Variants in CEP250 observed in about 807,000 individuals in gnomAD.
CEP250 encodes the protein centrosomal protein 250, also known as centrosome-associated protein CEP250.
A neutral mutation model predicts 315.7 loss-of-function variants in CEP250; 242 were observed. The observed-to-expected ratio is 0.77, with a 90% CI of 0.69 to 0.85. CEP250 has a LOEUF of 0.85. Ranked by LOEUF, CEP250 falls within the 40% of genes least tolerant of loss-of-function variation. The probability of loss-of-function intolerance (pLI) is 0.00; values close to 1 mark genes in which losing one functional copy is unlikely to be tolerated. For synonymous variants in CEP250, 1,088 were observed against 1,175.0 expected (o/e 0.93, Z 1.51); for missense variants, 2,515 against 2,886.4 (o/e 0.87, Z 2.95).
chr20:35,461,668 CT>C (rs763923259), intron 3 of CEP250, among the ~76,000 whole-genome samples: 4 of 152,200 alleles, frequency 2.6e-5, no homozygotes, highest in Non-Finnish European at 5.9e-5. Flanking sequence ...GTTTTTTAAC[CT>C]TTCTAAGCCC....
chr20:35,479,214 C>T lies in CEP250; in HGVS notation c.2095-17C>T. On this transcript the variant is annotated splice_polypyrimidine_tract_variant and intron_variant, in intron 17 of 34. Transcript: ENST00000397527. ...ATCCAGCCTCTGCTCCATCTCTCAC[C>T]ACATTCTTCCCCTCAGTCACGTCAC... 6.2e-7 allele frequency: 1 copy of T among 1,610,556 alleles called. No individual in the cohort carries two copies. Among genetic ancestry groups the T allele is most frequent in the South Asian group, 1.1e-5 (1 of 90,574 alleles).
intron 16 of CEP250, chr20:35,476,824 A>G: frequency 2.3e-6 from 1 of 430,256 alleles, no homozygotes; most frequent in Non-Finnish European, 4.2e-6. Context: ...GAAGGGGCCC[A>G]TGTCCTCTGG....
chr20:35,469,642 C>T (rs2062974224), intron 9 of CEP250, among the ~76,000 whole-genome samples: 1 of 152,220 alleles, frequency 6.6e-6, no homozygotes, highest in Admixed American at 6.5e-5. Context: ...GGCCCCCAAA[C>T]ACGTGTTCCA....
In CEP250 at chr20:35,466,216, G is replaced by T. The variant is rs756657396; in HGVS notation, c.492+12G>T. ...AGATGGAGCAGGAGGTAGGAAGAAC[G>T]GGGACTGGAACTGTGAGAGGAAGCC... On this transcript the variant is annotated intron_variant, in intron 7 of 34. Coordinates refer to ENST00000397527, the MANE Select transcript of CEP250 (RefSeq NM_007186.6). 7.0e-6 allele frequency: 11 copies of T among 1,570,990 alleles called. No homozygotes were observed. Among genetic ancestry groups the T allele is most frequent in the Middle Eastern group, 3.4e-4 (2 of 5,946 alleles).
intron 23 of CEP250, among the ~76,000 whole-genome samples, chr20:35,494,123 G>A (rs2063771157): frequency 1.3e-5 from 2 of 152,066 alleles, no homozygotes; most frequent in African/African-American, 4.8e-5. Flanking sequence ...CTACAGATGT[G>A]TGCCATCACA....
At position 35,501,858 on chromosome 20, in the gene CEP250, G is replaced by A. The variant is rs768511308; in HGVS notation, c.3912G>A (p.Trp1304Ter). The A allele has an allele frequency of 6.2e-7, 1 of 1,609,974 alleles. No individual in the cohort carries two copies. The highest frequency in any genetic ancestry group is 1.7e-5 in the Admixed American group (1 of 59,422). The change falls in exon 29 of 35, where the codon TGG (tryptophan) becomes TGA (stop). Residue 1304 changes from tryptophan (W) to a stop codon, truncating the protein, a stop_gained. Transcript: ENST00000397527. LOFTEE classifies it high-confidence loss of function. ...LSQNQEEKSK[W>*]EGKQNSLESE... is the part of the protein sequence containing the mutation. ...CTCTTCTCAAAGAGAAATCTAAGTG[G>A]GAAGGAAAGCAGAACTCCCTAGAAT...
intron 7 of CEP250, among the ~76,000 whole-genome samples, chr20:35,466,470 C>T (rs2062880318): frequency 6.6e-6 from 1 of 152,094 alleles, no homozygotes; most frequent in Non-Finnish European, 1.5e-5. Context: ...CAGTGACGAG[C>T]TTAGGTTTTT....
rs754914620 is a variant in CEP250, at chr20:35,498,604, G to T, written c.3665G>T (p.Gly1222Val). The T allele has an allele frequency of 6.2e-7, 1 of 1,603,802 alleles. No individual in the cohort carries two copies. The highest frequency in any genetic ancestry group is 1.3e-5 in the African/African-American group (1 of 74,106). Residue 1222 changes from glycine (G) to valine (V), a missense_variant, in exon 27 of 35, where the codon GGA becomes GTA. Coordinates refer to ENST00000397527, the MANE Select transcript of CEP250 (RefSeq NM_007186.6). ...TTCCTCATTTTTTCAGACCAGAATGGAGCTAGGAGCCTCTTTAAGAGAGGG... is the reference window on the plus strand; with the variant it reads ...TTCCTCATTTTTTCAGACCAGAATGTAGCTAGGAGCCTCTTTAAGAGAGGG... ...SVWGLEPDQNGARSLFKRGPL... is the reference protein window; with the variant it reads ...SVWGLEPDQNVARSLFKRGPL...
At position 35,472,127 on chromosome 20, in the gene CEP250, G is replaced by A. The variant is rs1232257481; in HGVS notation, c.1026G>A (p.Gln342=). The change falls in exon 11 of 35, where the codon CAG becomes CAA. Residue 342 remains glutamine, a synonymous_variant. Coordinates refer to ENST00000397527, the MANE Select transcript of CEP250 (RefSeq NM_007186.6). ...CGCAAGAGGAGAAGTTGTCTTTACA[G>A]CAGGTGATCAAGGATATAACCCAGG... The part of the protein sequence containing the change: ...RNAQEEKLSL[Q]QVIKDITQVM... 1.2e-6 allele frequency: 2 copies of A among 1,611,286 alleles called. No individual in the cohort carries two copies. The highest frequency in any genetic ancestry group is 1.7e-6 in the Non-Finnish European group (2 of 1,177,396).
chr20:35,483,341 T>G (rs1227133825), intron 20 of CEP250, among the ~76,000 whole-genome samples: 1 of 151,064 alleles, frequency 6.6e-6, no homozygotes, highest in Non-Finnish European at 1.5e-5. Context: ...AAAAATTTTT[T>G]TTTTTAAATT....
chr20:35,479,641 C>T lies in CEP250; in HGVS notation c.2289-5C>T, dbSNP rs1341304546. ...AGAAACTCTTCTGATTCCTGAACCT[C>T]ACAGCTCAGCCAAGGAGCTACTGGA... On this transcript the variant is annotated splice_polypyrimidine_tract_variant and splice_region_variant and intron_variant, in intron 18 of 34. Coordinates refer to ENST00000397527, the MANE Select transcript of CEP250 (RefSeq NM_007186.6). 3 of 1,613,976 alleles carry T rather than the reference C, an allele frequency of 1.9e-6. No homozygotes were observed. Among genetic ancestry groups the T allele is most frequent in the African/African-American group, 2.7e-5 (2 of 74,930 alleles).
At chr20:35,465,696 T>C (rs1325585609) in intron 5 of CEP250, 47 bp from the exon 6 acceptor site, 2 of 1,407,752 alleles carry the variant, frequency 1.4e-6, no homozygotes, top group African/African-American at 2.9e-5. Context: ...CTGGTCTGAG[T>C]GATGTTCTCT....
chr20:35,465,031 AT>A, intron 5 of CEP250, among the ~76,000 whole-genome samples: 1 of 152,364 alleles, frequency 6.6e-6, no homozygotes, highest in Non-Finnish European at 1.5e-5. Flanking sequence ...AGGAGCATCT[AT>A]AATTGTGTCT....
At chr20:35,511,262 T>G (rs2064346957) in intron 34 of CEP250, 101 bp from the exon 35 acceptor site, 13 of 994,270 alleles carry the variant, frequency 1.3e-5, no homozygotes, top group Admixed American at 2.2e-5. Context: ...TTGATTCAGA[T>G]GATCAGCCAA....
intron 20 of CEP250, among the ~76,000 whole-genome samples, chr20:35,487,134 T>C (rs1441801339): frequency 6.6e-6 from 1 of 152,168 alleles, no homozygotes; most frequent in East Asian, 1.9e-4. Flanking sequence ...CTGTTCGTTT[T>C]AGCAGTGACT....
chr20:35,487,807 A>G (rs1263652082), intron 20 of CEP250, among the ~76,000 whole-genome samples: 3 of 152,216 alleles, frequency 2.0e-5, no homozygotes, highest in Admixed American at 1.3e-4. Flanking sequence ...TCAGGGTTAC[A>G]TGGCTAATAA....
chr20:35,469,275 C>T (rs2062966285), intron 9 of CEP250, among the ~76,000 whole-genome samples: 1 of 151,744 alleles, frequency 6.6e-6, no homozygotes, highest in South Asian at 2.1e-4. Flanking sequence ...CCAGCCTGGG[C>T]AACAGAGCAA....
Position 35,502,688 on chromosome 20 carries a change from T to A in CEP250, c.4319T>A (p.Leu1440Gln). The change falls in exon 30 of 35, where the codon CTG (leucine) becomes CAG (glutamine). Residue 1440 changes from leucine (L) to glutamine (Q), a missense_variant. Coordinates refer to ENST00000397527, the MANE Select transcript of CEP250 (RefSeq NM_007186.6). ...GAAAGAGAAGAGGAGGTGGAGACTC[T>A]GCGGGGACAAATCCAGGAACTGGAG... The part of the protein sequence containing the change: ...LAEREEEVET[L>Q]RGQIQELEKQ... The A allele has an allele frequency of 6.2e-7, 1 of 1,614,216 alleles. No individual in the cohort carries two copies. Among genetic ancestry groups the A allele is most frequent in the Middle Eastern group, 1.6e-4 (1 of 6,062 alleles).
At chr20:35,480,360 G>T (rs573803463) in intron 20 of CEP250, among the ~76,000 whole-genome samples, 54 of 152,252 alleles carry the variant, frequency 3.5e-4, no homozygotes, top group African/African-American at 1.3e-3. Flanking sequence ...TATTATTGTT[G>T]TTGTGTTGGT....
Sources: gnomAD v4.1 joint callset for allele counts (sites outside exome capture counted in the v4.1 genomes callset) on GRCh38, gnomAD v4.1.1 for gene constraint, MANE v1.5 for transcripts, NCBI Gene and HGNC (gene_info 2026-07-23, HGNC 2026-07-21) for gene names.